Variants in TMEM130 observed in about 807,000 individuals in gnomAD.
TMEM130 encodes transmembrane protein 130.
TMEM130 carries 37 observed loss-of-function variants against 42.9 expected under a neutral mutation model. The ratio of observed to expected loss-of-function variants is 0.86; its 90% CI spans 0.66 to 1.13. TMEM130 has a LOEUF of 1.13. TMEM130 is among the 50% of genes most tolerant of loss of function. The probability of loss-of-function intolerance (pLI) is 0.00; values close to 1 mark genes in which losing one functional copy is unlikely to be tolerated. For synonymous variants in TMEM130, 259 were observed against 237.7 expected (o/e 1.09, Z -0.82); for missense variants, 545 against 562.6 (o/e 0.97, Z 0.32).
intron 5 of TMEM130, among the ~76,000 whole-genome samples, chr7:98,853,349 C>T (rs1427674129): frequency 6.6e-6 from 1 of 152,174 alleles, no homozygotes; most frequent in Non-Finnish European, 1.5e-5. Context: ...AAGGGCGGGT[C>T]GGGCACGGTG....
chr7:98,852,750 G>A (rs946056046), intron 5 of TMEM130, among the ~76,000 whole-genome samples: 4 of 151,762 alleles, frequency 2.6e-5, no homozygotes, highest in Non-Finnish European at 4.4e-5. Flanking sequence ...ATGCACCACC[G>A]TGCCTGGCTA....
At chr7:98,864,192 A>G (rs1305712579) in intron 1 of TMEM130, among the ~76,000 whole-genome samples, 2 of 151,798 alleles carry the variant, frequency 1.3e-5, no homozygotes, top group Non-Finnish European at 2.9e-5. Flanking sequence ...GAACATTTCT[A>G]CCATTCCCCA....
rs548463895 is a variant in TMEM130 at position 98,869,298 on chromosome 7, C to A, written c.85+479G>T. ...CCTGGGCTCTAAATTCGCATCTCCC[C>A]AAAGCCAGCACCAACACGGTGGGAA... On this transcript the variant is annotated intron_variant, in intron 1 of 7. Coordinates refer to ENST00000339375, the MANE Select transcript of TMEM130 (RefSeq NM_152913.3). The surrounding 1 kb of genome is among the most constrained non-coding windows in gnomAD (Gnocchi z 4.7). 2,492 of 1,285,400 alleles carry A rather than the reference C, an allele frequency of 1.9e-3. 2 individuals are homozygous for A. The highest frequency in any genetic ancestry group is 2.3e-3 in the Non-Finnish European group (2,271 of 987,340). 79.6% of individuals were successfully genotyped at this position (1,285,400 alleles called of 1,614,324 possible).
chr7:98,849,252 G>A (rs1373468408), intron 6 of TMEM130, among the ~76,000 whole-genome samples: 5 of 152,134 alleles, frequency 3.3e-5, no homozygotes, highest in African/African-American at 1.2e-4. Flanking sequence ...ACAGTCCTGG[G>A]TTCAAATCCT....
At position 98,863,098 on chromosome 7, in the gene TMEM130, T is replaced by C; in HGVS notation, c.388A>G (p.Thr130Ala). 1.9e-6 allele frequency: 3 copies of C among 1,611,562 alleles called. No homozygotes were observed. Among genetic ancestry groups the C allele is most frequent in the Non-Finnish European group, 2.5e-6 (3 of 1,178,880 alleles). ...VARGFVVLPI[T>A]EFLVGDLVVT... is the part of the protein sequence containing the mutation. ...AGCAAATGGGAGCGACCCTCACCTGTGATGGGGAGGACCACAAAGCCCCTG... is the reference window on the plus strand; with the variant it reads ...AGCAAATGGGAGCGACCCTCACCTGCGATGGGGAGGACCACAAAGCCCCTG... Residue 130 changes from threonine (T) to alanine (A), a missense_variant, in exon 2 of 8, where the codon ACA (threonine) becomes GCA (alanine). Coordinates refer to ENST00000339375, the MANE Select transcript of TMEM130 (RefSeq NM_152913.3).
At chr7:98,849,378 T>C (rs555842019) in intron 6 of TMEM130, among the ~76,000 whole-genome samples, 3 of 152,230 alleles carry the variant, frequency 2.0e-5, no homozygotes, top group South Asian at 4.2e-4. Flanking sequence ...AAGTGTGGGT[T>C]CCCTCTCCCT....
At chr7:98,864,080 T>TG (rs1794855057) in intron 1 of TMEM130, among the ~76,000 whole-genome samples, 1 of 152,042 alleles carries the variant, frequency 6.6e-6, no homozygotes, top group Non-Finnish European at 1.5e-5. Context: ...TTTGTAGAGA[T>TG]GGGGGTCTAT....
intron 6 of TMEM130, 76 bp downstream of exon 6, chr7:98,851,345 T>C: frequency 6.9e-7 from 1 of 1,443,884 alleles, no homozygotes; most frequent in African/African-American, 1.4e-5. Context: ...GGTAGGAGCG[T>C]ATTGGTGGTG....
chr7:98,864,231 G>A lies in TMEM130; in HGVS notation c.86-831C>T, dbSNP rs782077811. Among the ~76,000 whole-genome samples the A allele has an allele frequency of 1.8e-4, 27 of 152,084 alleles. 1 individual carries two copies. The highest frequency in any genetic ancestry group is 2.9e-4 in the Non-Finnish European group (20 of 68,000). On this transcript the variant is annotated intron_variant, in intron 1 of 7. Coordinates refer to ENST00000339375, the MANE Select transcript of TMEM130 (RefSeq NM_152913.3). Reference sequence around the variant, plus strand: ...TTCTTTTGGTTTTGTTTTGAGACAAGATCTCCCTCTGTCATCCAGGCTGGG... The same window carrying A: ...TTCTTTTGGTTTTGTTTTGAGACAAAATCTCCCTCTGTCATCCAGGCTGGG...
chr7:98,863,509 A>C, intron 1 of TMEM130, 109 bp from the exon 2 acceptor site: 1 of 1,148,408 alleles, frequency 8.7e-7, no homozygotes, highest in South Asian at 1.7e-5. Context: ...GGAGAAACTG[A>C]GGCTCAGGCA....
In TMEM130 at chr7:98,869,693, T is replaced by A; in HGVS notation, c.85+84A>T. 1 of 1,050,014 alleles carries A rather than the reference T, an allele frequency of 9.5e-7. No homozygotes were observed. The highest frequency in any genetic ancestry group is 1.3e-6 in the Non-Finnish European group (1 of 797,852). 65.0% of individuals were successfully genotyped at this position (1,050,014 alleles called of 1,614,324 possible). A position where few individuals can be genotyped will look rare whatever the true frequency, so the allele number is the denominator to read the frequency against. ...ACGGTGCCACCTCCGCAATCCCTGC[T>A]CCCGGGCCCACTCGCCCGCTGAGAC... is the stretch of plus-strand genomic sequence containing the variant. On this transcript the variant is annotated intron_variant, in intron 1 of 7. Transcript: ENST00000339375. The surrounding 1 kb of genome is among the most constrained non-coding windows in gnomAD (Gnocchi z 4.7).
At position 98,847,967 on chromosome 7, in the gene TMEM130, C is replaced by T; in HGVS notation, c.*89G>A. 7.6e-7 allele frequency: 1 copy of T among 1,320,350 alleles called. No homozygotes were observed. The highest frequency in any genetic ancestry group is 1.1e-6 in the Non-Finnish European group (1 of 943,536). 81.8% of individuals were successfully genotyped at this position (1,320,350 alleles called of 1,614,324 possible). The stretch of plus-strand genomic sequence containing the variant: ...AGGCCAACAGCCCCACGCAAATGAA[C>T]CCCTCCTGGTCAGTGGTGCACACCA... On this transcript the variant is annotated 3_prime_UTR_variant, in exon 8 of 8. Transcript: ENST00000339375.
At position 98,851,522 on chromosome 7, in the gene TMEM130, G is replaced by A. The variant is rs781796366; in HGVS notation, c.905C>T (p.Thr302Ile). The A allele has an allele frequency of 1.9e-6, 3 of 1,614,094 alleles. No individual in the cohort carries two copies. Among genetic ancestry groups the A allele is most frequent in the African/African-American group, 1.3e-5 (1 of 75,000 alleles). The change falls in exon 6 of 8, where the codon ACC becomes ATC. Residue 302 changes from threonine (T) to isoleucine (I), a missense_variant. By Grantham distance (89) the Thr-to-Ile change is moderately conservative. Transcript: ENST00000339375. ...VSVASTAYNLTHTFRDPGDYC... is the reference protein window; with the variant it reads ...VSVASTAYNLIHTFRDPGDYC... ...GTCCCCAGGGTCCCTGAAGGTGTGG[G>A]TCAGGTTGTACGCTGTGCTGGCCAC...
At chr7:98,865,897 T>TA (rs1342760613) in intron 1 of TMEM130, 3 of 162,478 alleles carry the variant, frequency 1.8e-5, no homozygotes, top group Admixed American at 1.3e-4. Flanking sequence ...GTGGGGACAG[T>TA]AGATGCACGA....
chr7:98,868,659 C>G (rs1361748123), intron 1 of TMEM130, among the ~76,000 whole-genome samples: 1 of 152,176 alleles, frequency 6.6e-6, no homozygotes, highest in African/African-American at 2.4e-5. Flanking sequence ...AGATGTTTCC[C>G]AACTCCACTC....
In TMEM130 at chr7:98,869,890, G is replaced by C; in HGVS notation, c.-29C>G. 1 of 1,316,510 alleles carries C rather than the reference G, an allele frequency of 7.6e-7. No homozygotes were observed. Among genetic ancestry groups the C allele is most frequent in the Non-Finnish European group, 9.7e-7 (1 of 1,030,442 alleles). 81.6% of individuals were successfully genotyped at this position (1,316,510 alleles called of 1,614,324 possible). A position where few individuals can be genotyped will look rare whatever the true frequency, so the allele number is the denominator to read the frequency against. ...GGGGCCCGGAGCGGGAGAAGCGTGGGGCGGACGCGGAGGGAATGCAGCTGG... is the reference window on the plus strand; with the variant it reads ...GGGGCCCGGAGCGGGAGAAGCGTGGCGCGGACGCGGAGGGAATGCAGCTGG... On this transcript the variant is annotated 5_prime_UTR_variant, in exon 1 of 8. Coordinates refer to ENST00000339375, the MANE Select transcript of TMEM130 (RefSeq NM_152913.3). The surrounding 1 kb of genome is among the most constrained non-coding windows in gnomAD (Gnocchi z 4.7).
intron 6 of TMEM130, 149 bp from the exon 7 acceptor site, chr7:98,848,844 C>T: frequency 1.6e-6 from 1 of 643,420 alleles, no homozygotes; most frequent in Non-Finnish European, 2.8e-6. Flanking sequence ...CTGGGCAACC[C>T]CAATAGGTAA....
chr7:98,864,381 C>CTTTTTTTT (rs77399182), intron 1 of TMEM130, among the ~76,000 whole-genome samples: 1 of 137,926 alleles, frequency 7.3e-6, no homozygotes, highest in Non-Finnish European at 1.6e-5. Flanking sequence ...TGATTTTTTT[C>CTTTTTTTT]TTTTTTTTTT....
At position 98,869,778 on chromosome 7, in the gene TMEM130, T is replaced by C; in HGVS notation, c.84A>G (p.Ala28=). 1 of 1,406,046 alleles carries C rather than the reference T, an allele frequency of 7.1e-7. No homozygotes were observed. The highest frequency in any genetic ancestry group is 9.2e-7 in the Non-Finnish European group (1 of 1,082,602). 87.1% of individuals were successfully genotyped at this position (1,406,046 alleles called of 1,614,324 possible). Reference sequence around the variant, plus strand: ...AGGCCGGATTGCCCAGCGCCTTACCTGCGGCCACCCCTGCCGGGGCCCAGG... The same window carrying C: ...AGGCCGGATTGCCCAGCGCCTTACCCGCGGCCACCCCTGCCGGGGCCCAGG... ...LLPWAPAGVA[A]GLYELNLTTD... is the part of the protein sequence containing the mutation. The change falls in exon 1 of 8, where the codon GCA becomes GCG. Residue 28 remains alanine, a splice_region_variant and synonymous_variant. Transcript: ENST00000339375. This position sits in a 1 kb window ranked among gnomAD's most constrained non-coding sequence, Gnocchi z 4.7.
Sources: allele counts gnomAD v4.1 joint callset (sites outside exome capture counted in the v4.1 genomes callset), GRCh38; gene constraint gnomAD v4.1.1; non-coding constraint Gnocchi (gnomAD v3.1); transcripts MANE v1.5; gene names NCBI Gene and HGNC (gene_info 2026-07-23, HGNC 2026-07-21).